IL31RA: variants seen among roughly 807,000 people sequenced by gnomAD.
The protein encoded by IL31RA is interleukin 31 receptor A, also known as interleukin-31 receptor subunit alpha.
Under a neutral mutation model 83.7 loss-of-function variants are expected in IL31RA, and 66 were observed. That is an observed-to-expected ratio of 0.79 (90% CI 0.65 to 0.97). IL31RA has a LOEUF of 0.97. Ranked by LOEUF, IL31RA falls within the 50% of genes least tolerant of loss-of-function variation. The probability of loss-of-function intolerance (pLI) is 0.00; values close to 1 mark genes in which losing one functional copy is unlikely to be tolerated. For synonymous variants in IL31RA, 325 were observed against 329.0 expected (o/e 0.99, Z 0.13); for missense variants, 798 against 919.4 (o/e 0.87, Z 1.71).
At chr5:55,863,950 T>C (rs1432509014) in intron 2 of IL31RA, among the ~76,000 whole-genome samples, 2 of 152,184 alleles carry the variant, frequency 1.3e-5, no homozygotes, top group African/African-American at 4.8e-5. Flanking sequence ...TAGGTTTGAC[T>C]GGAGTGTATT....
Position 55,851,364 on chromosome 5 carries a change from C to T in IL31RA, c.-207C>T, listed in dbSNP as rs62361929. Reference sequence around the variant, plus strand: ...ATATTTTCTCCATGAGGCACAGCCTCCTTCTGCTTAGGAACACCAGACAGC... The same window carrying T: ...ATATTTTCTCCATGAGGCACAGCCTTCTTCTGCTTAGGAACACCAGACAGC... On this transcript the variant is annotated 5_prime_UTR_variant, in exon 1 of 15. Transcript: ENST00000652347. 1,964 of 761,318 alleles carry T rather than the reference C, an allele frequency of 2.6e-3. 12 individuals carry two copies. Among genetic ancestry groups the T allele is most frequent in the Non-Finnish European group, 2.3e-3 (1,092 of 471,320 alleles). 47.2% of individuals were successfully genotyped at this position (761,318 alleles called of 1,614,324 possible).
intron 7 of IL31RA, among the ~76,000 whole-genome samples, chr5:55,896,838 G>A (rs1580717923): frequency 1.3e-5 from 1 of 76,906 alleles, no homozygotes; most frequent in Non-Finnish European, 2.5e-5. Flanking sequence ...TTTCTTTTTG[G>A]CAGAGTCTTG....
intron 12 of IL31RA, among the ~76,000 whole-genome samples, chr5:55,912,024 TA>T (rs1209583520): frequency 1.3e-5 from 2 of 152,212 alleles, no homozygotes; most frequent in East Asian, 3.8e-4. Context: ...TAAATTTTTT[TA>T]AAGCTGTATT....
intron 13 of IL31RA, among the ~76,000 whole-genome samples, chr5:55,914,484 A>G (rs897524976): frequency 6.6e-6 from 1 of 152,230 alleles, no homozygotes; most frequent in Non-Finnish European, 1.5e-5. Flanking sequence ...AAGTATGGGT[A>G]GCTTATAAGG....
chr5:55,897,231 C>T (rs1748459831), intron 7 of IL31RA, among the ~76,000 whole-genome samples: 1 of 149,894 alleles, frequency 6.7e-6, no homozygotes, highest in Non-Finnish European at 1.5e-5. Flanking sequence ...CCCAGAATTT[C>T]CTTCCCTAGA....
intron 5 of IL31RA, among the ~76,000 whole-genome samples, chr5:55,889,470 T>C (rs1747847828): frequency 1.3e-5 from 2 of 152,244 alleles, no homozygotes; most frequent in African/African-American, 2.4e-5. Flanking sequence ...AAGAAATCTG[T>C]GTTCTGATCC....
chr5:55,882,907 A>T, intron 4 of IL31RA, 137 bp from the exon 5 acceptor site: 1 of 765,792 alleles, frequency 1.3e-6, no homozygotes, highest in Non-Finnish European at 2.2e-6. Context: ...TTCCTTTTGT[A>T]CTGCCTTGCA....
chr5:55,919,800 C>T lies in IL31RA; in HGVS notation c.*2680C>T, dbSNP rs995882551. On this transcript the variant is annotated 3_prime_UTR_variant, in exon 15 of 15. Coordinates refer to ENST00000652347, the MANE Select transcript of IL31RA (RefSeq NM_139017.7). ...AGGATGTGAGCCTCAGAGTTCAGGG[C>T]GCAGGTGACTTCCTCTCCTGGATCG... is the stretch of plus-strand genomic sequence containing the variant. 2.6e-5 allele frequency among the ~76,000 whole-genome samples: 4 copies of T among 152,168 alleles called. No individual in the cohort carries two copies. The highest frequency in any genetic ancestry group is 4.4e-5 in the Non-Finnish European group (3 of 68,030).
the IL31RA span, among the ~76,000 whole-genome samples, chr5:55,843,406 T>C: frequency 6.6e-6 from 1 of 152,196 alleles, no homozygotes; most frequent in Non-Finnish European, 1.5e-5. Context: ...CTCCACTCCC[T>C]GTTAAGTTCT....
intron 3 of IL31RA, among the ~76,000 whole-genome samples, chr5:55,872,001 C>T (rs931229501): frequency 5.9e-5 from 9 of 152,052 alleles, no homozygotes; most frequent in African/African-American, 1.9e-4. Context: ...ATAGGACATG[C>T]ATTGCAACTA....
In IL31RA at chr5:55,899,909, G is replaced by C; in HGVS notation, c.853-7G>C. 1 of 1,612,186 alleles carries C rather than the reference G, an allele frequency of 6.2e-7. No individual in the cohort carries two copies. The highest frequency in any genetic ancestry group is 8.5e-7 in the Non-Finnish European group (1 of 1,178,400). On this transcript the variant is annotated splice_region_variant and splice_polypyrimidine_tract_variant and intron_variant, in intron 7 of 14. Transcript: ENST00000652347. The stretch of plus-strand genomic sequence containing the variant: ...TTGGCAATAAATTTTGTTTTCTTTG[G>C]GTTCAGAAGGCAAGAGGAGCCCCAG...
chr5:55,859,628 C>T (rs762678387), intron 2 of IL31RA, 29 bp downstream of exon 2: 1 of 1,422,288 alleles, frequency 7.0e-7, no homozygotes, highest in Non-Finnish European at 1.0e-6. Context: ...TTTTACAGAT[C>T]ATGTGATTAT....
chr5:55,912,466 G>A (rs1042756966), intron 12 of IL31RA, among the ~76,000 whole-genome samples: 6 of 152,168 alleles, frequency 3.9e-5, no homozygotes, highest in Admixed American at 2.0e-4. Context: ...TCACTATTAA[G>A]ATCAGCTTGA....
At chr5:55,892,055 A>G (rs886246043) in intron 6 of IL31RA, among the ~76,000 whole-genome samples, 4 of 152,044 alleles carry the variant, frequency 2.6e-5, no homozygotes, top group Non-Finnish European at 4.4e-5. Flanking sequence ...GATTACAGGC[A>G]TGAGCCACTG....
Position 55,917,061 on chromosome 5 carries a change from A to G in IL31RA, c.2236A>G (p.Thr746Ala). ...APNPYLKNSVTAREFLVSEKL... is the reference protein window; with the variant it reads ...APNPYLKNSVAAREFLVSEKL... The stretch of plus-strand genomic sequence containing the variant: ...AAATCCATATTTGAAAAATTCAGTG[A>G]CAGCCAGGGAATTTCTTGTGTCTGA... Residue 746 changes from threonine (T) to alanine (A), a missense_variant, in exon 15 of 15, where the codon ACA (threonine) becomes GCA (alanine). Thr to Ala is a moderately conservative substitution (Grantham distance 58). Coordinates refer to ENST00000652347, the MANE Select transcript of IL31RA (RefSeq NM_139017.7). The G allele has an allele frequency of 6.2e-7, 1 of 1,614,214 alleles. No homozygotes were observed. The highest frequency in any genetic ancestry group is 8.5e-7 in the Non-Finnish European group (1 of 1,180,036).
In IL31RA at chr5:55,916,709, T is replaced by C; in HGVS notation, c.1884T>C (p.Cys628=). ...VNTEDRILKP[C]STPSDKLVID... is the part of the protein sequence containing the mutation. ...CAGAAGACAGGATCTTAAAACCATG[T>C]TCCACCCCCAGTGACAAGTTGGTGA... The change falls in exon 15 of 15, where the codon TGT becomes TGC. Residue 628 remains cysteine (C), a synonymous_variant. Coordinates refer to ENST00000652347, the MANE Select transcript of IL31RA (RefSeq NM_139017.7). The C allele has an allele frequency of 6.2e-7, 1 of 1,614,192 alleles. No individual in the cohort carries two copies. The highest frequency in any genetic ancestry group is 8.5e-7 in the Non-Finnish European group (1 of 1,180,014).
Position 55,891,761 on chromosome 5 carries a change from A to ATTTTTTTTTTTTTTTT in IL31RA, c.772+1643_772+1658dup, listed in dbSNP as rs35672011. 2.0e-4 allele frequency among the ~76,000 whole-genome samples: 12 copies of ATTTTTTTTTTTTTTTT among 60,030 alleles called. 4 individuals are homozygous for ATTTTTTTTTTTTTTTT. Among genetic ancestry groups the ATTTTTTTTTTTTTTTT allele is most frequent in the Non-Finnish European group, 2.6e-4 (9 of 34,712 alleles). 39.4% of individuals were successfully genotyped at this position (60,030 alleles called of 152,430 possible). ...TACAGGTTCCAGGGATTTGGACAAGATTTTTTTTTTTTTTTTTTTTTTTTT... is the reference window on the plus strand; with the variant it reads ...TACAGGTTCCAGGGATTTGGACAAGATTTTTTTTTTTTTTTTTTTTTTTTTTTTTTTTTTTTTTTTT... On this transcript the variant is annotated intron_variant, in intron 6 of 14. Coordinates refer to ENST00000652347, the MANE Select transcript of IL31RA (RefSeq NM_139017.7).
chr5:55,910,520 T>C lies in IL31RA; in HGVS notation c.1502-12T>C. 6.2e-7 allele frequency: 1 copy of C among 1,614,076 alleles called. No homozygotes were observed. The highest frequency in any genetic ancestry group is 8.5e-7 in the Non-Finnish European group (1 of 1,179,942). ...TTGGCTGTGGTGTTTGACCTTTGTA[T>C]TTTTCCTTTAGCCAAGACAGTCAAT... On this transcript the variant is annotated splice_polypyrimidine_tract_variant and intron_variant, in intron 11 of 14. Coordinates refer to ENST00000652347, the MANE Select transcript of IL31RA (RefSeq NM_139017.7).
rs903162113 is a variant in IL31RA at position 55,851,383 on chromosome 5, A to G, written c.-188A>G. On this transcript the variant is annotated 5_prime_UTR_variant, in exon 1 of 15. Coordinates refer to ENST00000652347, the MANE Select transcript of IL31RA (RefSeq NM_139017.7). ...CAGCCTCCTTCTGCTTAGGAACACCAGACAGCACTCCAGCACTCTGCTTGG... is the reference window on the plus strand; with the variant it reads ...CAGCCTCCTTCTGCTTAGGAACACCGGACAGCACTCCAGCACTCTGCTTGG... The G allele has an allele frequency of 1.3e-5, 12 of 939,150 alleles. No homozygotes were observed. The highest frequency in any genetic ancestry group is 6.5e-6 in the Non-Finnish European group (4 of 619,378). The allele number at this position is 939,150 out of a possible 1,614,324, so 58.2% of individuals were successfully genotyped here.
Sources: allele counts gnomAD v4.1 joint callset (sites outside exome capture counted in the v4.1 genomes callset), GRCh38; gene constraint gnomAD v4.1.1; transcripts MANE v1.5; gene names NCBI Gene and HGNC (gene_info 2026-07-23, HGNC 2026-07-21).